The following TENM2 variants were observed in gnomAD, a reference collection of about 807,000 sequenced individuals.
TENM2 encodes teneurin-2.
Under a neutral mutation model 245.2 loss-of-function variants are expected in TENM2, and 52 were observed. That is an observed-to-expected ratio of 0.21 (90% confidence interval 0.17 to 0.27). The LOEUF (loss-of-function observed/expected upper bound fraction) is 0.27. Ranked by LOEUF, TENM2 falls within the 10% of genes least tolerant of loss-of-function variation. The pLI is 1.00. For synonymous variants in TENM2, 1,363 were observed against 1,438.9 expected (o/e 0.95, Z 1.19); for missense variants, 3,046 against 3,666.8 (o/e 0.83, Z 4.37).
chr5:167,198,591 T>C, the TENM2 span, among the ~76,000 whole-genome samples: 3 of 152,104 alleles, frequency 2.0e-5, no homozygotes, highest in Non-Finnish European at 4.4e-5. Flanking sequence ...TGTTAAAGTT[T>C]GGTGAAAGAG....
At chr5:167,743,442 T>C (rs1330415189) in intron 2 of TENM2, among the ~76,000 whole-genome samples, 2 of 152,174 alleles carry the variant, frequency 1.3e-5, no homozygotes, top group East Asian at 3.9e-4. Context: ...CCACGATTCT[T>C]AAATGATGTT....
intron 2 of TENM2, among the ~76,000 whole-genome samples, chr5:167,658,833 A>C (rs1201414731): frequency 6.6e-6 from 1 of 152,212 alleles, no homozygotes; most frequent in East Asian, 1.9e-4. Context: ...TCATGTAGCA[A>C]GAATAATAGC....
the TENM2 span, among the ~76,000 whole-genome samples, chr5:167,084,327 T>TATATATA: frequency 1.3e-4 from 3 of 23,170 alleles, no homozygotes; most frequent in African/African-American, 2.7e-4. Flanking sequence ...GCCATTTTAG[T>TATATATA]TATATATATA....
At chr5:167,946,049 A>C (rs572198119) in intron 3 of TENM2, among the ~76,000 whole-genome samples, 1 of 152,232 alleles carries the variant, frequency 6.6e-6, no homozygotes, top group African/African-American at 2.4e-5. Context: ...GAAGCCAGCC[A>C]TACCATATGT....
intron 2 of TENM2, among the ~76,000 whole-genome samples, chr5:167,872,544 GAAAGAGAA>G (rs1449649042): frequency 0.019 from 906 of 48,212 alleles, 8 homozygotes; most frequent in African/African-American, 0.036. Flanking sequence ...AAGAAAGAAA[GAAAGAGAA>G]AGAAAGAAAG....
At chr5:167,723,119 T>G (rs1759748523) in intron 2 of TENM2, among the ~76,000 whole-genome samples, 1 of 151,598 alleles carries the variant, frequency 6.6e-6, no homozygotes, top group Admixed American at 6.6e-5. Flanking sequence ...TAAGGCTATT[T>G]TTTAGTCTGT....
At chr5:167,158,950 CTTCT>C in the TENM2 span, among the ~76,000 whole-genome samples, 1 of 126,670 alleles carries the variant, frequency 7.9e-6, no homozygotes, top group Non-Finnish European at 1.7e-5. Flanking sequence ...TTCTTTCTTT[CTTCT>C]TTCTTTCTTT....
chr5:167,093,068 T>A, the TENM2 span, among the ~76,000 whole-genome samples: 2 of 152,140 alleles, frequency 1.3e-5, no homozygotes, highest in Non-Finnish European at 2.9e-5. Flanking sequence ...TTGGCTAGAC[T>A]TAATCATGTC....
At chr5:167,313,910 G>A (rs1415987039) in intron 1 of TENM2, among the ~76,000 whole-genome samples, 6 of 152,136 alleles carry the variant, frequency 3.9e-5, no homozygotes, top group African/African-American at 9.7e-5. Context: ...AGTAAAGAAC[G>A]TCCAGATGTC....
intron 2 of TENM2, among the ~76,000 whole-genome samples, chr5:167,691,927 G>A (rs1757458457): frequency 6.6e-6 from 1 of 152,212 alleles, no homozygotes; most frequent in Non-Finnish European, 1.5e-5. Flanking sequence ...TTGGACCTGA[G>A]ATCTGAAGTT....
the TENM2 span, among the ~76,000 whole-genome samples, chr5:167,128,477 A>G: frequency 1.7e-4 from 26 of 151,928 alleles, no homozygotes; most frequent in African/African-American, 6.3e-4. Flanking sequence ...CATTTTCAAC[A>G]AGTTCACAGG....
At chr5:167,666,178 G>A (rs1582694709) in intron 2 of TENM2, among the ~76,000 whole-genome samples, 1 of 152,146 alleles carries the variant, frequency 6.6e-6, no homozygotes. Context: ...GTGCCAGCAC[G>A]GACCTTCCCA....
At chr5:167,640,736 G>A (rs537250454) in intron 2 of TENM2, among the ~76,000 whole-genome samples, 7 of 149,056 alleles carry the variant, frequency 4.7e-5, no homozygotes, top group South Asian at 2.1e-4. Context: ...TTCTTGTTAC[G>A]TACACTTTTA....
intron 2 of TENM2, among the ~76,000 whole-genome samples, chr5:167,612,918 G>C (rs1308803454): frequency 6.6e-6 from 1 of 152,064 alleles, no homozygotes; most frequent in Non-Finnish European, 1.5e-5. Flanking sequence ...AACAAAAATA[G>C]ACATATTTGC....
At chr5:167,376,429 G>A (rs1001936821) in intron 2 of TENM2, among the ~76,000 whole-genome samples, 1 of 152,088 alleles carries the variant, frequency 6.6e-6, no homozygotes, top group Non-Finnish European at 1.5e-5. Flanking sequence ...TTCTGCCAGA[G>A]CAGCTTTAAG....
the TENM2 span, among the ~76,000 whole-genome samples, chr5:167,122,788 T>A: frequency 6.6e-6 from 1 of 152,284 alleles, no homozygotes; most frequent in African/African-American, 2.4e-5. Context: ...GCTTTCATCC[T>A]GAAAGGTGGG....
chr5:167,294,913 A>G (rs576964547), intron 1 of TENM2, among the ~76,000 whole-genome samples: 8 of 152,112 alleles, frequency 5.3e-5, no homozygotes, highest in Middle Eastern at 3.2e-3. Context: ...TTGCAAATCT[A>G]TTCATCCCAC....
At chr5:168,227,844 T>C (rs1444809504) in intron 24 of TENM2, 51 bp from the exon 27 acceptor site, 53 of 1,212,446 alleles carry the variant, frequency 4.4e-5, no homozygotes, top group Non-Finnish European at 5.5e-5. Context: ...TTCTGACTAA[T>C]AGAGCGGATA....
At chr5:167,853,344 T>C (rs1583189352) in intron 2 of TENM2, among the ~76,000 whole-genome samples, 1 of 148,224 alleles carries the variant, frequency 6.7e-6, no homozygotes, top group African/African-American at 2.5e-5. Flanking sequence ...GAGAATGTTC[T>C]GTGGAATTTA....
Sources: allele counts gnomAD v4.1 joint callset (sites outside exome capture counted in the v4.1 genomes callset), GRCh38; gene constraint gnomAD v4.1.1; transcripts MANE v1.5; gene names NCBI Gene and HGNC (gene_info 2026-07-23, HGNC 2026-07-21).